VAC14: variants seen among roughly 807,000 people sequenced by gnomAD.
VAC14 encodes protein VAC14 homolog.
VAC14 carries 47 observed loss-of-function variants against 85.3 expected under a neutral mutation model. The ratio of observed to expected loss-of-function variants is 0.55; its 90% CI spans 0.44 to 0.70. VAC14 has a LOEUF of 0.70. VAC14 is among the 30% of genes least tolerant of loss of function. The pLI, the probability that VAC14 is intolerant of heterozygous loss-of-function variation, is 0.00. For synonymous variants in VAC14, 447 were observed against 430.5 expected (o/e 1.04, Z -0.47); for missense variants, 861 against 1,004.3 (o/e 0.86, Z 1.93).
chr16:70,774,108 T>G (rs2033391846), intron 9 of VAC14, among the ~76,000 whole-genome samples: 1 of 152,058 alleles, frequency 6.6e-6, no homozygotes, highest in South Asian at 2.1e-4. Flanking sequence ...GAAGGTTAAC[T>G]TCGATACACT....
intron 9 of VAC14, among the ~76,000 whole-genome samples, chr16:70,774,340 C>G (rs1028904251): frequency 6.6e-6 from 1 of 152,122 alleles, no homozygotes; most frequent in Admixed American, 6.5e-5. Flanking sequence ...CGTTTTCTCA[C>G]GAGTAGGGAG....
chr16:70,714,432 G>A (rs934078982), intron 14 of VAC14: 31 of 152,266 alleles, frequency 2.0e-4, no homozygotes, highest in African/African-American at 7.0e-4. Context: ...CACGCTTCAA[G>A]GGCAGGAATG....
intron 1 of VAC14, among the ~76,000 whole-genome samples, chr16:70,794,426 T>C (rs1476873408): frequency 2.0e-5 from 3 of 152,166 alleles, no homozygotes; most frequent in African/African-American, 7.2e-5. Context: ...AGCATAATGT[T>C]TTCAAGGGGC....
At chr16:70,740,644 G>C (rs1418906853) in intron 13 of VAC14, among the ~76,000 whole-genome samples, 1 of 152,206 alleles carries the variant, frequency 6.6e-6, no homozygotes, top group Admixed American at 6.5e-5. Context: ...AAAAGGAGGA[G>C]ACACAGGAGA....
intron 13 of VAC14, among the ~76,000 whole-genome samples, chr16:70,732,621 C>T (rs13339302): frequency 0.072 from 10,969 of 152,012 alleles, 1,296 homozygotes; most frequent in African/African-American, 0.25. Context: ...GAGATCCTCA[C>T]TCACTGTGCC....
chr16:70,694,375 C>T lies in VAC14; in HGVS notation c.2035+1169G>A, dbSNP rs376667251. 1.1e-4 allele frequency among the ~76,000 whole-genome samples: 17 copies of T among 152,322 alleles called. 1 individual carries two copies. The highest frequency in any genetic ancestry group is 9.7e-4 in the East Asian group (5 of 5,170). ...CTGGGAGGCCCTCGGGGAAGTGTCA[C>T]GCTGGGCACACCTGGGACAGGCTTT... On this transcript the variant is annotated intron_variant, in intron 17 of 18. Coordinates refer to ENST00000261776, the MANE Select transcript of VAC14 (RefSeq NM_018052.5).
At chr16:70,783,196 C>T in intron 6 of VAC14, 57 bp from the exon 7 acceptor site, 2 of 1,554,678 alleles carry the variant, frequency 1.3e-6, no homozygotes, top group Non-Finnish European at 1.8e-6. Flanking sequence ...CTGGAGGAGC[C>T]TCAAACCAGC....
At chr16:70,788,889 G>A (rs758967283) in intron 1 of VAC14, among the ~76,000 whole-genome samples, 9 of 152,210 alleles carry the variant, frequency 5.9e-5, no homozygotes, top group Non-Finnish European at 1.2e-4. Context: ...CACAAATCTG[G>A]AACCACACTT....
chr16:70,794,297 C>T (rs955498340), intron 1 of VAC14, among the ~76,000 whole-genome samples: 3 of 152,194 alleles, frequency 2.0e-5, no homozygotes, highest in African/African-American at 7.2e-5. Context: ...CTCCCCATTC[C>T]CCCGCGCCCT....
chr16:70,761,018 T>TGTGTGTGTGC (rs1555523169), intron 12 of VAC14: 25 of 267,834 alleles, frequency 9.3e-5, no homozygotes, highest in African/African-American at 5.1e-4. Context: ...TGTGTGTGTG[T>TGTGTGTGTGC]GCATGGGGGG....
chr16:70,788,464 A>G (rs2034172953), intron 1 of VAC14, among the ~76,000 whole-genome samples: 1 of 152,266 alleles, frequency 6.6e-6, no homozygotes, highest in Non-Finnish European at 1.5e-5. Flanking sequence ...TGGGACTGGG[A>G]CTGTGGATGA....
At chr16:70,800,649 T>C (rs139216086) in intron 1 of VAC14, 148 bp downstream of exon 1, 4 of 634,246 alleles carry the variant, frequency 6.3e-6, no homozygotes, top group Non-Finnish European at 1.1e-5. Context: ...CTCCCAGATA[T>C]GGCTCCCAAT....
At chr16:70,725,895 A>C (rs1286789467) in intron 14 of VAC14, among the ~76,000 whole-genome samples, 3 of 152,190 alleles carry the variant, frequency 2.0e-5, no homozygotes, top group African/African-American at 7.2e-5. Context: ...CACCGCATAC[A>C]GTGGCTCATT....
intron 3 of VAC14, among the ~76,000 whole-genome samples, chr16:70,785,230 C>T (rs899198187): frequency 4.6e-5 from 7 of 152,204 alleles, no homozygotes; most frequent in Non-Finnish European, 1.0e-4. Flanking sequence ...TAGAAACTTC[C>T]GTGGCATTCT....
chr16:70,723,278 T>C (rs1468525533), intron 14 of VAC14, among the ~76,000 whole-genome samples: 5 of 151,334 alleles, frequency 3.3e-5, no homozygotes, highest in Admixed American at 3.3e-4. Flanking sequence ...TGACTTCCTC[T>C]TACTCCAAAA....
chr16:70,717,695 A>AC (rs2054196602), intron 14 of VAC14, among the ~76,000 whole-genome samples: 1 of 152,050 alleles, frequency 6.6e-6, no homozygotes, highest in Non-Finnish European at 1.5e-5. Context: ...TCACTCTGTC[A>AC]CCCAGGCTGG....
intron 1 of VAC14, among the ~76,000 whole-genome samples, chr16:70,789,066 C>T (rs904837376): frequency 3.3e-5 from 5 of 152,358 alleles, no homozygotes; most frequent in African/African-American, 9.6e-5. Context: ...AGAACAGTAA[C>T]ACAGTTTAAC....
At position 70,713,715 on chromosome 16, in the gene VAC14, T is replaced by G. The variant is rs536926077; in HGVS notation, c.1662-14904A>C. ...CAGGAGCATCTTTGTTTTTGTTTTT[T>G]TTTTTTTTTGTAGAGATGGGGTCTT... is the stretch of plus-strand genomic sequence containing the variant. On this transcript the variant is annotated intron_variant, in intron 14 of 18. Transcript: ENST00000261776. 1.1e-3 allele frequency among the ~76,000 whole-genome samples: 167 copies of G among 150,482 alleles called. 1 individual carries two copies. The highest frequency in any genetic ancestry group is 3.5e-3 in the African/African-American group (143 of 41,374).
Position 70,781,905 on chromosome 16 carries a change from C to G in VAC14, c.910G>C (p.Val304Leu), listed in dbSNP as rs762881808. ...TCATCGTAGGCCAAGCAGGGCAAGACAGCAGTCAGGATCCCGGAGGAGTAA... is the reference window on the plus strand; with the variant it reads ...TCATCGTAGGCCAAGCAGGGCAAGAGAGCAGTCAGGATCCCGGAGGAGTAA... ...LPYSSGILTA[V>L]LPCLAYDDRK... is the part of the protein sequence containing the mutation. Residue 304 changes from valine (V) to leucine (L), a missense_variant, in exon 8 of 19, where the codon GTC (valine) becomes CTC (leucine). Transcript: ENST00000261776. 4 of 1,614,140 alleles carry G rather than the reference C, an allele frequency of 2.5e-6. No individual in the cohort carries two copies. The highest frequency in any genetic ancestry group is 3.4e-6 in the Non-Finnish European group (4 of 1,180,028).
Sources: gnomAD v4.1 joint callset for allele counts (sites outside exome capture counted in the v4.1 genomes callset) on GRCh38, gnomAD v4.1.1 for gene constraint, MANE v1.5 for transcripts, NCBI Gene and HGNC (gene_info 2026-07-23, HGNC 2026-07-21) for gene names.